RAD51B: variants seen among roughly 807,000 people sequenced by gnomAD.
RAD51B encodes the protein RAD51 paralog B.
A neutral mutation model predicts 42.2 loss-of-function variants in RAD51B; 38 were observed. The observed-to-expected ratio is 0.90, with a 90% CI of 0.70 to 1.18. The LOEUF (loss-of-function observed/expected upper bound fraction) is 1.18. Among genes scored for constraint, RAD51B ranks in the 50% most tolerant of loss-of-function variants. RAD51B has a pLI of 0.00. For synonymous variants in RAD51B, 154 were observed against 145.2 expected, an observed-to-expected ratio of 1.06 and a Z score of -0.43; for missense variants, 373 against 400.7, an observed-to-expected ratio of 0.93 and a Z score of 0.59.
At chr14:68,492,156 C>T (rs1884128434) in intron 10 of RAD51B, among the ~76,000 whole-genome samples, 1 of 152,184 alleles carries the variant, frequency 6.6e-6, no homozygotes, top group Non-Finnish European at 1.5e-5. Flanking sequence ...ATGGATGACT[C>T]CCTCACCTTT....
At chr14:68,012,337 C>G (rs2075697976) in intron 7 of RAD51B, among the ~76,000 whole-genome samples, 1 of 152,086 alleles carries the variant, frequency 6.6e-6, no homozygotes, top group African/African-American at 2.4e-5. Context: ...CAAACTGTGG[C>G]TCACGACTGG....
chr14:68,099,266 T>A (rs2077248354), intron 7 of RAD51B, among the ~76,000 whole-genome samples: 1 of 152,194 alleles, frequency 6.6e-6, no homozygotes, highest in African/African-American at 2.4e-5. Context: ...CTGAATTTAA[T>A]CATGATGCTC....
At chr14:68,452,978 C>A (rs1417023550) in intron 9 of RAD51B, among the ~76,000 whole-genome samples, 3 of 152,092 alleles carry the variant, frequency 2.0e-5, no homozygotes, top group Admixed American at 6.5e-5. Context: ...ATAACCATGA[C>A]TTGATAATAG....
At chr14:68,494,715 A>T (rs1036537731) in intron 10 of RAD51B, among the ~76,000 whole-genome samples, 1 of 152,112 alleles carries the variant, frequency 6.6e-6, no homozygotes, top group South Asian at 2.1e-4. Flanking sequence ...GAAAGGAAAT[A>T]CTGAAATTTT....
intron 10 of RAD51B, among the ~76,000 whole-genome samples, chr14:68,636,976 C>T (rs961888907): frequency 1.3e-5 from 2 of 152,234 alleles, no homozygotes; most frequent in African/African-American, 4.8e-5. Context: ...TTCTTCAGAG[C>T]ACTTATAATT....
At chr14:68,594,940 C>A (rs1233542041) in exon 11 of RAD51B, 1 of 1,084,900 alleles carries the variant, frequency 9.2e-7, no homozygotes, top group Non-Finnish European at 1.1e-6. Context: ...GACGTGGAAA[C>A]AGGAGGTGAA....
intron 7 of RAD51B, among the ~76,000 whole-genome samples, chr14:67,925,786 A>AC (rs2044486502): frequency 6.6e-6 from 1 of 152,008 alleles, no homozygotes; most frequent in African/African-American, 2.4e-5. Flanking sequence ...AGGTTCCCAA[A>AC]CCCCAATTCT....
intron 7 of RAD51B, among the ~76,000 whole-genome samples, chr14:67,988,362 G>A (rs1432653202): frequency 6.6e-6 from 1 of 152,110 alleles, no homozygotes; most frequent in Non-Finnish European, 1.5e-5. Flanking sequence ...GGGAGGCTGA[G>A]GCAGGAGAAT....
At position 68,576,765 on chromosome 14, in the gene RAD51B, G is replaced by A. The variant is rs1355786806; in HGVS notation, c.1037-17720G>A. Among the ~76,000 whole-genome samples the A allele has an allele frequency of 1.3e-5, 2 of 152,116 alleles. 1 individual carries two copies. The highest frequency in any genetic ancestry group is 4.1e-4 in the South Asian group (2 of 4,828). ...GGACTCACGCAGGGGCATGATGTTAGTAAGGAAGGGGTCAGAGGTGAACCT... is the reference window on the plus strand; with the variant it reads ...GGACTCACGCAGGGGCATGATGTTAATAAGGAAGGGGTCAGAGGTGAACCT... On this transcript the variant is annotated intron_variant, in intron 10 of 10. Coordinates refer to the RAD51B transcript ENST00000487270.
exon 11 of RAD51B, chr14:68,594,867 GC>G (rs1566949074): frequency 3.5e-6 from 4 of 1,150,578 alleles, no homozygotes; most frequent in Non-Finnish European, 4.3e-6. Flanking sequence ...CAGGCACACA[GC>G]CCATGCCCTC....
intron 7 of RAD51B, among the ~76,000 whole-genome samples, chr14:67,992,199 A>G (rs917045299): frequency 2.2e-4 from 34 of 152,240 alleles, no homozygotes; most frequent in African/African-American, 7.7e-4. Context: ...AGTTTTTCAC[A>G]TAACAAAGCT....
chr14:68,304,737 C>T (rs1436601919), intron 8 of RAD51B, among the ~76,000 whole-genome samples: 1 of 152,172 alleles, frequency 6.6e-6, no homozygotes, highest in Non-Finnish European at 1.5e-5. Context: ...ACCTCAATTC[C>T]CTCAGCTATA....
chr14:68,439,554 C>G (rs1012100493), intron 9 of RAD51B, among the ~76,000 whole-genome samples: 3 of 152,144 alleles, frequency 2.0e-5, no homozygotes, highest in African/African-American at 7.2e-5. Context: ...ATATAAGACC[C>G]CCAATCTCTT....
At chr14:67,833,481 G>A (rs1358401540) in intron 3 of RAD51B, among the ~76,000 whole-genome samples, 1 of 152,178 alleles carries the variant, frequency 6.6e-6, no homozygotes, top group Non-Finnish European at 1.5e-5. Flanking sequence ...ACCCTCAGTG[G>A]ATGTTTGAAA....
chr14:68,631,912 G>A (rs952642538), intron 10 of RAD51B, among the ~76,000 whole-genome samples: 1 of 152,188 alleles, frequency 6.6e-6, no homozygotes, highest in Non-Finnish European at 1.5e-5. Context: ...GGGAGAGTTT[G>A]AAGATGAGAT....
chr14:67,951,113 G>C (rs755144438), intron 7 of RAD51B, among the ~76,000 whole-genome samples: 1 of 152,200 alleles, frequency 6.6e-6, no homozygotes, highest in Non-Finnish European at 1.5e-5. Context: ...ACACGGACAT[G>C]AAATGAGCAC....
intron 7 of RAD51B, among the ~76,000 whole-genome samples, chr14:68,196,719 C>T (rs543019687): frequency 8.6e-5 from 13 of 152,032 alleles, no homozygotes; most frequent in Non-Finnish European, 1.6e-4. Context: ...ACAGGTTCCC[C>T]AATATCTAAG....
intron 7 of RAD51B, among the ~76,000 whole-genome samples, chr14:67,894,006 G>A (rs767737604): frequency 6.6e-6 from 1 of 152,174 alleles, no homozygotes; most frequent in African/African-American, 2.4e-5. Context: ...GGAGTTAGAC[G>A]TTGGTTTGAA....
intron 10 of RAD51B, among the ~76,000 whole-genome samples, chr14:68,522,209 T>C (rs1168465728): frequency 5.9e-5 from 9 of 152,182 alleles, no homozygotes; most frequent in Non-Finnish European, 1.3e-4. Context: ...TAGCTCTTAC[T>C]AGACCTGGCT....
Sources: allele counts gnomAD v4.1 joint callset (sites outside exome capture counted in the v4.1 genomes callset), GRCh38; gene constraint gnomAD v4.1.1; transcripts MANE v1.5; gene names NCBI Gene and HGNC (gene_info 2026-07-23, HGNC 2026-07-21).